Variants in SETD1A observed in about 807,000 individuals in gnomAD.
SETD1A encodes SET domain containing 1A, histone lysine methyltransferase.
SETD1A carries 29 observed loss-of-function variants against 149.9 expected under a neutral mutation model. The observed-to-expected ratio is 0.19, with a 90% confidence interval of 0.14 to 0.26. SETD1A has a LOEUF of 0.26. Among genes scored for constraint, SETD1A ranks in the 10% least tolerant of loss-of-function variants. The pLI, the probability that SETD1A is intolerant of heterozygous loss-of-function variation, is 1.00. For missense variants in SETD1A, 2,109 were observed against 2,353.1 expected, an observed-to-expected ratio of 0.90 and a Z score of 2.15; for synonymous variants, 1,141 against 968.5, an observed-to-expected ratio of 1.18 and a Z score of -3.31.
Position 30,966,111 on chromosome 16 carries a change from T to G in SETD1A, c.2230T>G (p.Ser744Ala), listed in dbSNP as rs2056141842. The stretch of plus-strand genomic sequence containing the variant: ...GGGGCAGGAGGGCAGAGGGGCATAC[T>G]CACGGGAGGCCTACCACCTGCCCAT... ...AQGQEGRGAY[S>A]REAYHLPMPM... The change falls in exon 8 of 19, where the codon TCA (serine) becomes GCA (alanine). Residue 744 changes from serine (S) to alanine (A), a missense_variant. Coordinates refer to ENST00000262519, the MANE Select transcript of SETD1A (RefSeq NM_014712.3). 6.3e-7 allele frequency: 1 copy of G among 1,598,624 alleles called. No homozygotes were observed. The highest frequency in any genetic ancestry group is 8.5e-7 in the Non-Finnish European group (1 of 1,171,190).
intron 13 of SETD1A, among the ~76,000 whole-genome samples, chr16:30,975,411 A>G (rs2056273176): frequency 6.7e-6 from 1 of 150,014 alleles, no homozygotes; most frequent in South Asian, 2.1e-4. Flanking sequence ...TTCTCATTGA[A>G]TCCCCACAAC....
At chr16:30,981,722 T>C (rs971571271) in intron 17 of SETD1A, among the ~76,000 whole-genome samples, 2 of 152,212 alleles carry the variant, frequency 1.3e-5, no homozygotes, top group East Asian at 3.8e-4. Flanking sequence ...GGACAGGCAC[T>C]GAACAAGTAT....
Position 30,983,751 on chromosome 16 carries a change from A to G in SETD1A, c.4929A>G (p.Arg1643=). The G allele has an allele frequency of 6.2e-7, 1 of 1,614,126 alleles. No individual in the cohort carries two copies. Among genetic ancestry groups the G allele is most frequent in the East Asian group, 2.2e-5 (1 of 44,884 alleles). Residue 1643 remains arginine (R), a synonymous_variant, in exon 18 of 19, where the codon AGA becomes AGG. Coordinates refer to ENST00000262519, the MANE Select transcript of SETD1A (RefSeq NM_014712.3). This position sits in a 1 kb window ranked among gnomAD's most constrained non-coding sequence, Gnocchi z 6.8. ...IDATKCGNLA[R]FINHCCTPNC... is the part of the protein sequence containing the mutation. ...CCACCAAGTGTGGCAACCTGGCCAG[A>G]TTCATCAACCACTGCTGCACGGTGC...
At chr16:30,975,906 A>G (rs905730674) in intron 13 of SETD1A, among the ~76,000 whole-genome samples, 3 of 152,084 alleles carry the variant, frequency 2.0e-5, no homozygotes, top group African/African-American at 7.2e-5. Flanking sequence ...ACTGAAGGGA[A>G]CGGGCCAGGT....
chr16:30,967,285 C>A (rs1273146701), intron 9 of SETD1A, among the ~76,000 whole-genome samples: 1 of 152,176 alleles, frequency 6.6e-6, no homozygotes, highest in African/African-American at 2.4e-5. Flanking sequence ...TCCCGAGTAG[C>A]TGGGGTTACA....
At chr16:30,969,773 C>G in intron 12 of SETD1A, 84 bp downstream of exon 12, 1 of 1,080,480 alleles carries the variant, frequency 9.3e-7, no homozygotes, top group Non-Finnish European at 1.4e-6. Flanking sequence ...CCCACATGAC[C>G]TTCCTGCTGG....
Position 30,964,957 on chromosome 16 carries a change from C to T in SETD1A, c.1215C>T (p.Phe405=). 6.2e-7 allele frequency: 1 copy of T among 1,614,146 alleles called. No homozygotes were observed. Among genetic ancestry groups the T allele is most frequent in the Non-Finnish European group, 8.5e-7 (1 of 1,180,000 alleles). The change falls in exon 7 of 19, where the codon TTC becomes TTT. Residue 405 remains phenylalanine, a synonymous_variant. Transcript: ENST00000262519. ...TTGCTGAAAATACAGCTGAGCGCTT[C>T]CCACCTTCTTACACCTCCTACCTGC... ...APFAENTAER[F]PPSYTSYLPP...
rs2056418340 is a variant in SETD1A at position 30,983,859 on chromosome 16, T to C, written c.4960T>C (p.Tyr1654His). Residue 1654 changes from tyrosine to histidine, a missense_variant, in exon 19 of 19, where the codon TAC (tyrosine) becomes CAC (histidine). By Grantham distance (83) the Tyr-to-His change is moderately conservative. Around this residue, in one of 8 missense-constraint regions of SETD1A, gnomAD observed 254 missense variants for 409.3 expected, o/e 0.62. Transcript: ENST00000262519. This position sits in a 1 kb window ranked among gnomAD's most constrained non-coding sequence, Gnocchi z 6.8. ...FINHCCTPNCYAKVITIESQK... is the reference protein window; with the variant it reads ...FINHCCTPNCHAKVITIESQK... Reference sequence around the variant, plus strand: ...GCCCTTCCATCCGCAGCCTAACTGCTACGCCAAGGTCATCACCATCGAGTC... The same window carrying C: ...GCCCTTCCATCCGCAGCCTAACTGCCACGCCAAGGTCATCACCATCGAGTC... 2 of 1,610,410 alleles carry C rather than the reference T, an allele frequency of 1.2e-6. No homozygotes were observed. The highest frequency in any genetic ancestry group is 1.7e-6 in the Non-Finnish European group (2 of 1,177,912).
chr16:30,980,668 C>A lies in SETD1A; in HGVS notation c.4581+11C>A. 6.2e-7 allele frequency: 1 copy of A among 1,610,818 alleles called. No homozygotes were observed. The highest frequency in any genetic ancestry group is 8.5e-7 in the Non-Finnish European group (1 of 1,179,228). ...GGCGTGGACACTCAGGTGGGCCTAA[C>A]CCCGCCGCCGCGTCCTCCTGCCACT... On this transcript the variant is annotated intron_variant, in intron 15 of 18. Transcript: ENST00000262519. The surrounding 1 kb of genome is among the most constrained non-coding windows in gnomAD (Gnocchi z 7.7).
Position 30,971,507 on chromosome 16 carries a change from C to T in SETD1A, c.3146C>T (p.Ser1049Phe). Reference protein sequence around the residue: ...SSSSSSSSSSSSSSSSSSSSE... With the variant: ...SSSSSSSSSSFSSSSSSSSSE... ...TCCTCATCCTCCTCCTCCTCCTCGT[C>T]CTCATCCTCCTCGTCCTCTTCATCC... Residue 1049 changes from serine (S) to phenylalanine (F), a missense_variant, in exon 13 of 19, where the codon TCC becomes TTC. By Grantham distance (155) the Ser-to-Phe change is radical. Coordinates refer to ENST00000262519, the MANE Select transcript of SETD1A (RefSeq NM_014712.3). 1 of 1,613,940 alleles carries T rather than the reference C, an allele frequency of 6.2e-7. No homozygotes were observed. Among genetic ancestry groups the T allele is most frequent in the Middle Eastern group, 1.7e-4 (1 of 6,058 alleles).
Position 30,959,164 on chromosome 16 carries a change from C to T in SETD1A, c.224C>T (p.Ser75Phe), listed in dbSNP as rs886894347. The change falls in exon 3 of 19, where the codon TCC becomes TTC. Residue 75 changes from serine to phenylalanine, a missense_variant. Coordinates refer to ENST00000262519, the MANE Select transcript of SETD1A (RefSeq NM_014712.3). ...GTCAGGTCCAAAAACAGAGACTTTT[C>T]CCTCCCAGTCCCTAAGTTTAAGGTA... ...CHVRSKNRDF[S>F]LPVPKFKLDE... 24 of 1,612,112 alleles carry T rather than the reference C, an allele frequency of 1.5e-5. No individual in the cohort carries two copies. Among genetic ancestry groups the T allele is most frequent in the East Asian group, 1.1e-4 (5 of 44,884 alleles).
Position 30,984,135 on chromosome 16 carries a change from A to C in SETD1A, c.*112A>C. ...CAGGGCCCACATGCCCCCATCTCCA[A>C]GCGTGGGGTTGGGGGCCCCAAGCCC... On this transcript the variant is annotated 3_prime_UTR_variant, in exon 19 of 19. Coordinates refer to ENST00000262519, the MANE Select transcript of SETD1A (RefSeq NM_014712.3). 9.3e-7 allele frequency: 1 copy of C among 1,073,342 alleles called. No homozygotes were observed. Among genetic ancestry groups the C allele is most frequent in the Non-Finnish European group, 1.3e-6 (1 of 769,694 alleles). The allele number at this position is 1,073,342 out of a possible 1,614,324, so 66.5% of individuals were successfully genotyped here.
intron 12 of SETD1A, among the ~76,000 whole-genome samples, chr16:30,971,064 T>G (rs919293087): frequency 1.3e-5 from 2 of 152,218 alleles, no homozygotes; most frequent in Admixed American, 1.3e-4. Context: ...CTCCACTTCC[T>G]CTTGCTTCCG....
intron 12 of SETD1A, among the ~76,000 whole-genome samples, chr16:30,970,719 T>G (rs891348442): frequency 1.3e-5 from 2 of 152,184 alleles, no homozygotes; most frequent in Non-Finnish European, 2.9e-5. Context: ...TGGCAACTTG[T>G]TCTCCACAGG....
Position 30,969,386 on chromosome 16 carries a change from C to G in SETD1A, c.2852C>G (p.Thr951Ser), listed in dbSNP as rs1354796523. The G allele has an allele frequency of 6.2e-7, 1 of 1,614,164 alleles. No homozygotes were observed. Among genetic ancestry groups the G allele is most frequent in the South Asian group, 1.1e-5 (1 of 91,082 alleles). The part of the protein sequence containing the change: ...PPKRDEERGK[T>S]QGKHRKSFAL... ...AAGCGGGACGAAGAGCGAGGCAAGA[C>G]CCAGGGCAAGCACCGCAAGTCCTTT... is the stretch of plus-strand genomic sequence containing the variant. Residue 951 changes from threonine to serine, a missense_variant, in exon 11 of 19, where the codon ACC becomes AGC. Thr to Ser is a moderately conservative substitution (Grantham distance 58). Coordinates refer to ENST00000262519, the MANE Select transcript of SETD1A (RefSeq NM_014712.3).
intron 13 of SETD1A, 94 bp downstream of exon 13, chr16:30,971,813 C>CT (rs1458483033): frequency 7.1e-7 from 1 of 1,407,332 alleles, no homozygotes; most frequent in African/African-American, 1.5e-5. Context: ...AAGTGTGTGA[C>CT]TTTATTAGAA....
chr16:30,974,434 G>A (rs2056260352), intron 13 of SETD1A, among the ~76,000 whole-genome samples: 1 of 152,154 alleles, frequency 6.6e-6, no homozygotes, highest in East Asian at 1.9e-4. Flanking sequence ...TCCTGTGAGA[G>A]CAGTGGGCAA....
At position 30,958,850 on chromosome 16, in the gene SETD1A, A is replaced by T. The variant is rs953690782; in HGVS notation, c.119A>T (p.Tyr40Phe). 6.2e-7 allele frequency: 1 copy of T among 1,614,166 alleles called. No individual in the cohort carries two copies. Among genetic ancestry groups the T allele is most frequent in the Non-Finnish European group, 8.5e-7 (1 of 1,180,004 alleles). The change falls in exon 2 of 19, where the codon TAC (tyrosine) becomes TTC (phenylalanine). Residue 40 changes from tyrosine (Y) to phenylalanine (F), a missense_variant. Around this residue, in one of 8 missense-constraint regions of SETD1A, gnomAD observed 75 missense variants for 95.3 expected, o/e 0.79. Coordinates refer to ENST00000262519, the MANE Select transcript of SETD1A (RefSeq NM_014712.3). ...CTGCGCAGGCCTTCTCAGAAGGTGT[A>T]CCGCTATGATGGAGTCCACTTCAGT... is the stretch of plus-strand genomic sequence containing the variant. ...PALRRPSQKV[Y>F]RYDGVHFSVN...
At position 30,971,633 on chromosome 16, in the gene SETD1A, C is replaced by T. The variant is rs770430183; in HGVS notation, c.3272C>T (p.Pro1091Leu). 6.2e-7 allele frequency: 1 copy of T among 1,613,008 alleles called. No homozygotes were observed. Among genetic ancestry groups the T allele is most frequent in the Admixed American group, 1.7e-5 (1 of 59,938 alleles). The part of the protein sequence containing the change: ...PREVPVPTPA[P>L]VEVPVPERVA... Reference sequence around the variant, plus strand: ...GAAGTCCCAGTGCCCACGCCAGCACCTGTGGAGGTGCCAGTGCCGGAAAGG... The same window carrying T: ...GAAGTCCCAGTGCCCACGCCAGCACTTGTGGAGGTGCCAGTGCCGGAAAGG... The change falls in exon 13 of 19, where the codon CCT becomes CTT. Residue 1091 changes from proline to leucine, a missense_variant. Around this residue, in one of 8 missense-constraint regions of SETD1A, gnomAD observed 832 missense variants for 815.6 expected, o/e 1.02. Coordinates refer to ENST00000262519, the MANE Select transcript of SETD1A (RefSeq NM_014712.3).
Sources: allele counts gnomAD v4.1 joint callset (sites outside exome capture counted in the v4.1 genomes callset), GRCh38; gene constraint gnomAD v4.1.1; regional missense constraint gnomAD v4.1.1; non-coding constraint Gnocchi (gnomAD v3.1); transcripts MANE v1.5; gene names NCBI Gene and HGNC (gene_info 2026-07-23, HGNC 2026-07-21).